Variants in HDAC9 observed in about 807,000 individuals in gnomAD.
HDAC9 encodes the protein histone deacetylase 9.
A neutral mutation model predicts 139.4 loss-of-function variants in HDAC9; 41 were observed. The ratio of observed to expected loss-of-function variants is 0.29; its 90% CI spans 0.23 to 0.38. The LOEUF (loss-of-function observed/expected upper bound fraction) is 0.38, where lower values mean the gene tolerates loss of function less well. Among genes scored for constraint, HDAC9 ranks in the 10% least tolerant of loss-of-function variants. The pLI, the probability that HDAC9 is intolerant of heterozygous loss-of-function variation, is 1.00. For synonymous variants in HDAC9, 517 were observed against 476.2 expected (o/e 1.09, Z -1.12); for missense variants, 1,147 against 1,297.0 (o/e 0.88, Z 1.78).
chr7:18,769,529 C>T (rs1350097542), intron 16 of HDAC9, among the ~76,000 whole-genome samples: 2 of 147,802 alleles, frequency 1.4e-5, no homozygotes, highest in Non-Finnish European at 1.5e-5. Context: ...AGATGTGATG[C>T]TTATGTAGGT....
chr7:18,794,706 A>G (rs1052673014), intron 17 of HDAC9, among the ~76,000 whole-genome samples: 2 of 152,220 alleles, frequency 1.3e-5, no homozygotes, highest in Non-Finnish European at 2.9e-5. Context: ...GTAGAACTTG[A>G]GGAAAAATTC....
intron 1 of HDAC9, among the ~76,000 whole-genome samples, chr7:18,345,035 T>C (rs914654784): frequency 3.9e-5 from 6 of 151,946 alleles, no homozygotes; most frequent in African/African-American, 1.4e-4. Context: ...CACATCTTAA[T>C]GGAAATAAGA....
intron 2 of HDAC9, among the ~76,000 whole-genome samples, chr7:18,569,716 CAGAT>C (rs1471189470): frequency 6.6e-6 from 1 of 152,092 alleles, no homozygotes; most frequent in Non-Finnish European, 1.5e-5. Flanking sequence ...AATTAATGCA[CAGAT>C]ATTTATTTAT....
chr7:18,678,427 TTCTC>T (rs1374436417), intron 12 of HDAC9, among the ~76,000 whole-genome samples: 1 of 151,798 alleles, frequency 6.6e-6, no homozygotes, highest in Non-Finnish European at 1.5e-5. Flanking sequence ...GCTAATTATT[TTCTC>T]TCTCTTTCTT....
At chr7:18,301,984 T>C (rs1473579578) in intron 1 of HDAC9, among the ~76,000 whole-genome samples, 1 of 152,236 alleles carries the variant, frequency 6.6e-6, no homozygotes, top group African/African-American at 2.4e-5. Context: ...TTTAAATGAT[T>C]TAAATGTTCA....
chr7:18,796,302 A>T (rs933044156), intron 17 of HDAC9, among the ~76,000 whole-genome samples: 1 of 152,210 alleles, frequency 6.6e-6, no homozygotes, highest in Non-Finnish European at 1.5e-5. Context: ...ATGACTTGGA[A>T]ATTTTGTTTG....
chr7:18,828,087 C>T (rs1795586942), intron 17 of HDAC9, among the ~76,000 whole-genome samples: 1 of 152,016 alleles, frequency 6.6e-6, no homozygotes, highest in African/African-American at 2.4e-5. Flanking sequence ...AGCAAATTAA[C>T]TCATTGTGTG....
chr7:18,883,038 T>C (rs762025884), intron 22 of HDAC9, among the ~76,000 whole-genome samples: 4 of 152,148 alleles, frequency 2.6e-5, no homozygotes, highest in Admixed American at 1.3e-4. Context: ...CCAGAGACAA[T>C]TGAAAAAGTG....
At chr7:18,269,759 T>C (rs554668944) in intron 2 of HDAC9, among the ~76,000 whole-genome samples, 14 of 151,466 alleles carry the variant, frequency 9.2e-5, no homozygotes, top group South Asian at 6.2e-4. Context: ...TATATACACA[T>C]ATATATATAT....
intron 17 of HDAC9, among the ~76,000 whole-genome samples, chr7:18,794,645 A>G (rs1792623722): frequency 6.6e-6 from 1 of 152,208 alleles, no homozygotes; most frequent in Admixed American, 6.5e-5. Context: ...AAAATGAGCA[A>G]ATAAAAAGAG....
intron 1 of HDAC9, among the ~76,000 whole-genome samples, chr7:18,107,531 C>G (rs572028812): frequency 2.0e-5 from 3 of 151,552 alleles, no homozygotes; most frequent in African/African-American, 4.8e-5. Flanking sequence ...CTCTCACACG[C>G]ACACACACAC....
At chr7:18,410,933 TA>T (rs889194714) in intron 1 of HDAC9, among the ~76,000 whole-genome samples, 2 of 152,034 alleles carry the variant, frequency 1.3e-5, no homozygotes, top group African/African-American at 2.4e-5. Flanking sequence ...AGGAAAGAAG[TA>T]AAAAAAATAG....
At chr7:18,493,528 A>G (rs1796512727), upstream of HDAC9, among the ~76,000 whole-genome samples, 1 of 151,938 alleles carries the variant, frequency 6.6e-6, no homozygotes, top group Non-Finnish European at 1.5e-5. Flanking sequence ...TTTGTAATCA[A>G]GCCTCCTTCG....
chr7:18,457,921 C>T (rs1288810462), intron 1 of HDAC9, among the ~76,000 whole-genome samples: 2 of 152,152 alleles, frequency 1.3e-5, no homozygotes, highest in Non-Finnish European at 2.9e-5. Context: ...GAAGCACACA[C>T]GTGTATGCAA....
At chr7:18,858,682 G>A (rs6461387) in intron 21 of HDAC9, among the ~76,000 whole-genome samples, 66,414 of 151,986 alleles carry the variant, frequency 0.44, 14,739 homozygotes, top group South Asian at 0.56. Flanking sequence ...AGTCTAACTA[G>A]TCAGAGTATA....
chr7:18,427,908 C>T (rs1410834341), intron 1 of HDAC9, among the ~76,000 whole-genome samples: 1 of 152,044 alleles, frequency 6.6e-6, no homozygotes, highest in African/African-American at 2.4e-5. Context: ...TCCCCTAGAT[C>T]CTGGAATCAC....
At chr7:18,586,268 A>C (rs1829444051) in intron 3 of HDAC9, among the ~76,000 whole-genome samples, 1 of 152,078 alleles carries the variant, frequency 6.6e-6, no homozygotes, top group Non-Finnish European at 1.5e-5. Context: ...GTATCTTCAG[A>C]GATAAATATT....
intron 1 of HDAC9, among the ~76,000 whole-genome samples, chr7:18,336,156 C>T (rs1157763663): frequency 6.6e-6 from 1 of 151,586 alleles, no homozygotes; most frequent in Non-Finnish European, 1.5e-5. Flanking sequence ...TCTTGTGCCT[C>T]AGTTTTTCCA....
At chr7:18,180,263 A>ACACACCCC (rs751720529) in intron 2 of HDAC9, among the ~76,000 whole-genome samples, 4,277 of 149,636 alleles carry the variant, frequency 0.029, 72 homozygotes, top group East Asian at 0.038. Flanking sequence ...ACACACACAC[A>ACACACCCC]CACACACACA....
Sources: gnomAD v4.1 joint callset for allele counts (sites outside exome capture counted in the v4.1 genomes callset) on GRCh38, gnomAD v4.1.1 for gene constraint, MANE v1.5 for transcripts, NCBI Gene and HGNC (gene_info 2026-07-23, HGNC 2026-07-21) for gene names.